Variants in OPALIN observed in about 807,000 individuals in gnomAD.
The protein encoded by OPALIN is oligodendrocytic myelin paranodal and inner loop protein.
OPALIN carries 15 observed loss-of-function variants against 17.8 expected under a neutral mutation model. The observed-to-expected ratio is 0.84, with a 90% CI of 0.56 to 1.29. OPALIN has a LOEUF of 1.29. Ranked by LOEUF, OPALIN falls within the 50% of genes most tolerant of loss-of-function variation. The pLI is 0.00. For missense variants in OPALIN, 170 were observed against 176.0 expected (o/e 0.97, Z 0.19); for synonymous variants, 62 against 63.8 (o/e 0.97, Z 0.14).
rs948232113 is a variant in OPALIN at position 96,349,706 on chromosome 10, C to T, written c.192+1G>A. 8.7e-6 allele frequency: 14 copies of T among 1,613,172 alleles called. No individual in the cohort carries two copies. Among genetic ancestry groups the T allele is most frequent in the African/African-American group, 1.3e-5 (1 of 74,850 alleles). ...CTGGACCCAAAGAAGCTAGTAATCA[C>T]CTCCATGGCCTCAATGCTGCTTCTT... On this transcript the variant is annotated splice_donor_variant, in intron 4 of 5. Transcript: ENST00000371172. LOFTEE classifies it high-confidence loss of function.
intron 2 of OPALIN, chr10:96,353,412 C>T: frequency 6.2e-7 from 1 of 1,613,430 alleles, no homozygotes; most frequent in Non-Finnish European, 8.5e-7. Context: ...AAGGGTTATG[C>T]AGTAGAAATG....
In OPALIN at chr10:96,351,599, T is replaced by C. The variant is rs77121616; in HGVS notation, c.40-189A>G. On this transcript the variant is annotated intron_variant, in intron 2 of 5. Coordinates refer to ENST00000371172, the MANE Select transcript of OPALIN (RefSeq NM_033207.5). ...GGTAAGAATTGGAATAAAATTTGGC[T>C]ACAAGGAGAAAAGAATTAGGAAATT... is the stretch of plus-strand genomic sequence containing the variant. Among the ~76,000 whole-genome samples the C allele has an allele frequency of 6.9e-3, 1,049 of 152,276 alleles. 17 individuals carry two copies. The highest frequency in any genetic ancestry group is 0.023 in the African/African-American group (969 of 41,562).
At chr10:96,352,604 G>A (rs1210020592) in intron 2 of OPALIN, among the ~76,000 whole-genome samples, 2 of 149,898 alleles carry the variant, frequency 1.3e-5, no homozygotes, top group Admixed American at 6.7e-5. Flanking sequence ...TCTAAGGGTA[G>A]TAGGAAGAAT....
rs145530727 is a variant in OPALIN at position 96,348,379 on chromosome 10, AAAG to A, written c.193-37_193-35del. ...GAAAAAATATAATAATAAAAGAAAG[AAAG>A]AAGAAGAAGTGAAGGGTTATAGCAT... On this transcript the variant is annotated intron_variant, in intron 4 of 5. Coordinates refer to ENST00000371172, the MANE Select transcript of OPALIN (RefSeq NM_033207.5). 3.6e-3 allele frequency: 3,907 copies of A among 1,080,420 alleles called. 17 individuals are homozygous for A. Among genetic ancestry groups the A allele is most frequent in the Non-Finnish European group, 4.5e-3 (3,223 of 710,680 alleles). The allele number at this position is 1,080,420 out of a possible 1,614,324, so 66.9% of individuals were successfully genotyped here. A position where few individuals can be genotyped will look rare whatever the true frequency, so the allele number is the denominator to read the frequency against.
rs1482043358 is a variant in OPALIN at position 96,344,505 on chromosome 10, T to A, written c.*1436A>T. 6.6e-6 allele frequency: 1 copy of A among 151,170 alleles called. No homozygotes were observed. Among genetic ancestry groups the A allele is most frequent in the East Asian group, 1.9e-4 (1 of 5,164 alleles). 9.4% of individuals were successfully genotyped at this position (151,170 alleles called of 1,614,324 possible). A position where few individuals can be genotyped will look rare whatever the true frequency, so the allele number is the denominator to read the frequency against. On this transcript the variant is annotated 3_prime_UTR_variant, in exon 6 of 6. Transcript: ENST00000371172. ...ATTGGAAAATGGGAAGAGGAGTTAC[T>A]GGGATAAGAGAAAGCTGGAGGGTGG... is the stretch of plus-strand genomic sequence containing the variant.
At chr10:96,350,967 AC>A (rs1412009883) in intron 3 of OPALIN, among the ~76,000 whole-genome samples, 2 of 152,228 alleles carry the variant, frequency 1.3e-5, no homozygotes, top group Non-Finnish European at 2.9e-5. Flanking sequence ...TAAGTGGATG[AC>A]TTTTCACATG....
chr10:96,349,192 C>G (rs1294410128), intron 4 of OPALIN, among the ~76,000 whole-genome samples: 1 of 152,128 alleles, frequency 6.6e-6, no homozygotes, highest in East Asian at 1.9e-4. Flanking sequence ...GGATATGAGT[C>G]TAGGTGGCTT....
At chr10:96,353,339 C>T in intron 2 of OPALIN, 2 of 1,576,786 alleles carry the variant, frequency 1.3e-6, no homozygotes, top group Non-Finnish European at 1.7e-6. Context: ...GATCCAGGTG[C>T]CCACCTCTGT....
chr10:96,356,809 C>G (rs113348381), intron 1 of OPALIN: 10 of 869,230 alleles, frequency 1.2e-5, no homozygotes, highest in South Asian at 5.3e-5. Context: ...ACTTCTCCCC[C>G]TCTTGGCAAT....
intron 5 of OPALIN, among the ~76,000 whole-genome samples, chr10:96,347,632 C>T (rs962017014): frequency 5.9e-5 from 9 of 151,726 alleles, no homozygotes; most frequent in Non-Finnish European, 1.3e-4. Context: ...CCACCACACC[C>T]AGCTAATTTT....
chr10:96,353,493 C>G (rs551984725), intron 2 of OPALIN: 26 of 1,454,620 alleles, frequency 1.8e-5, no homozygotes, highest in Non-Finnish European at 2.3e-5. Flanking sequence ...GTGCTAAAAA[C>G]AGACAACACC....
chr10:96,345,731 G>A lies in OPALIN; in HGVS notation c.*210C>T, dbSNP rs1485380497. 9.7e-6 allele frequency: 5 copies of A among 518,066 alleles called. No individual in the cohort carries two copies. The South Asian group carries it at 1.4e-4, about 14-fold the overall frequency. 32.1% of individuals were successfully genotyped at this position (518,066 alleles called of 1,614,324 possible). A position where few individuals can be genotyped will look rare whatever the true frequency, so the allele number is the denominator to read the frequency against. On this transcript the variant is annotated 3_prime_UTR_variant, in exon 6 of 6. Coordinates refer to ENST00000371172, the MANE Select transcript of OPALIN (RefSeq NM_033207.5). ...AAGGACCCCATCTGGTGAGTCACAT[G>A]TACTAACTAAAGCACAAGATCTGAG...
intron 3 of OPALIN, among the ~76,000 whole-genome samples, chr10:96,350,423 C>T (rs931596679): frequency 6.6e-6 from 1 of 152,162 alleles, no homozygotes; most frequent in Non-Finnish European, 1.5e-5. Flanking sequence ...ACTATGTTGG[C>T]CAGGCTGGTC....
Position 96,345,311 on chromosome 10 carries a change from T to C in OPALIN, c.*630A>G, listed in dbSNP as rs1017575819. The C allele has an allele frequency of 2.0e-5, 3 of 152,146 alleles. No homozygotes were observed. Among genetic ancestry groups the C allele is most frequent in the Non-Finnish European group, 2.9e-5 (2 of 68,012 alleles). The allele number at this position is 152,146 out of a possible 1,614,324, so 9.4% of individuals were successfully genotyped here. ...TCCCCTCCTTTAAAAAAGCAAAAACTGAGGCTTGAAAATGTTAAACAACTT... is the reference window on the plus strand; with the variant it reads ...TCCCCTCCTTTAAAAAAGCAAAAACCGAGGCTTGAAAATGTTAAACAACTT... On this transcript the variant is annotated 3_prime_UTR_variant, in exon 6 of 6. Transcript: ENST00000371172.
chr10:96,356,767 T>C, intron 1 of OPALIN: 1 of 487,326 alleles, frequency 2.1e-6, no homozygotes, highest in Non-Finnish European at 2.7e-6. Context: ...GTGGCCCTGC[T>C]CAACTAGCAC....
Position 96,349,618 on chromosome 10 carries a change from C to A in OPALIN, c.192+89G>T, listed in dbSNP as rs1032241368. On this transcript the variant is annotated intron_variant, in intron 4 of 5. Transcript: ENST00000371172. ...TGTCCTCAGGAAATAGACATGGGCCCTGAATTCTGACACCCTTAGTCCAAA... is the reference window on the plus strand; with the variant it reads ...TGTCCTCAGGAAATAGACATGGGCCATGAATTCTGACACCCTTAGTCCAAA... The A allele has an allele frequency of 2.8e-6, 4 of 1,439,434 alleles. No homozygotes were observed. In the African/African-American group the frequency reaches 5.7e-5, roughly 21 times the overall value. The allele number at this position is 1,439,434 out of a possible 1,614,324, so 89.2% of individuals were successfully genotyped here.
chr10:96,350,800 A>T (rs1169691124), intron 3 of OPALIN, among the ~76,000 whole-genome samples: 2 of 152,250 alleles, frequency 1.3e-5, no homozygotes, highest in African/African-American at 4.8e-5. Context: ...TAGTTACATA[A>T]GTTTTCAGAT....
intron 1 of OPALIN, 126 bp from the exon 2 acceptor site, chr10:96,355,416 C>A: frequency 1.3e-6 from 1 of 765,782 alleles, no homozygotes; most frequent in Non-Finnish European, 2.2e-6. Flanking sequence ...AGCCAGCCCC[C>A]ATCGTCCTGC....
At chr10:96,358,791 A>T in intron 1 of OPALIN, 103 bp downstream of exon 1, 1 of 1,202,586 alleles carries the variant, frequency 8.3e-7, no homozygotes, top group Non-Finnish European at 1.2e-6. Flanking sequence ...AAAATAATTT[A>T]AAATAAAGTC....
Sources: allele counts gnomAD v4.1 joint callset (sites outside exome capture counted in the v4.1 genomes callset), GRCh38; gene constraint gnomAD v4.1.1; transcripts MANE v1.5; gene names NCBI Gene and HGNC (gene_info 2026-07-23, HGNC 2026-07-21).